LUZP1: variants seen among roughly 807,000 people sequenced by gnomAD.
LUZP1 encodes the protein filamin mechanobinding actin cross-linking protein.
In LUZP1, 25 loss-of-function variants were observed where a neutral mutation model predicts 71.3. The observed-to-expected ratio is 0.35, with a 90% CI of 0.26 to 0.49. The LOEUF is 0.49. Among genes scored for constraint, LUZP1 ranks in the 20% least tolerant of loss-of-function variants. The pLI is 0.99. For missense variants in LUZP1, 1,142 were observed against 1,300.8 expected, an observed-to-expected ratio of 0.88 and a Z score of 1.88; for synonymous variants, 481 against 506.4, an observed-to-expected ratio of 0.95 and a Z score of 0.67.
At chr1:23,119,983 C>T (rs1263522048) in intron 2 of LUZP1, among the ~76,000 whole-genome samples, 11 of 151,616 alleles carry the variant, frequency 7.3e-5, no homozygotes, top group Non-Finnish European at 1.3e-4. Flanking sequence ...GCTCTGTCAC[C>T]GAAGCTGGAG....
chr1:23,130,479 A>G (rs1036542152), intron 2 of LUZP1, among the ~76,000 whole-genome samples: 5 of 151,782 alleles, frequency 3.3e-5, no homozygotes, highest in African/African-American at 1.2e-4. Context: ...TAAAAGAGGG[A>G]AAGAGAGGCG....
rs1196218848 is a variant in LUZP1 at position 23,092,629 on chromosome 1, C to T, written c.1633G>A (p.Val545Met). 6 of 1,614,066 alleles carry T rather than the reference C, an allele frequency of 3.7e-6. No homozygotes were observed. The highest frequency in any genetic ancestry group is 1.1e-5 in the South Asian group (1 of 91,084). ...GTTACTTGACTTCCGTTGCCAAGCA[C>T]GTGTCCCCTCTTGCCAAAGACAGTC... is the stretch of plus-strand genomic sequence containing the variant. Residue 545 changes from valine (V) to methionine (M), a missense_variant, in exon 4 of 5, where the codon GTG becomes ATG. Physicochemically the swap from Val to Met is conservative, Grantham distance 21. Transcript: ENST00000302291.
chr1:23,125,805 G>GT (rs1176704157), intron 2 of LUZP1, among the ~76,000 whole-genome samples: 5 of 152,172 alleles, frequency 3.3e-5, no homozygotes, highest in African/African-American at 1.2e-4. Flanking sequence ...ATTATGAAAA[G>GT]TAACGAATCT....
At chr1:23,100,702 A>C (rs1258294062) in intron 3 of LUZP1, among the ~76,000 whole-genome samples, 2 of 152,240 alleles carry the variant, frequency 1.3e-5, no homozygotes, top group East Asian at 1.9e-4. Context: ...TTTAGGGGAA[A>C]GACAACAGGG....
At chr1:23,090,985 G>A in intron 4 of LUZP1, 1 of 721,288 alleles carries the variant, frequency 1.4e-6, no homozygotes, top group Non-Finnish European at 2.6e-6. Context: ...AATTGGAAAA[G>A]GGATTTTGGA....
At chr1:23,110,523 G>A (rs899903600) in intron 2 of LUZP1, among the ~76,000 whole-genome samples, 3 of 152,002 alleles carry the variant, frequency 2.0e-5, no homozygotes, top group Non-Finnish European at 4.4e-5. Context: ...AAGCCACCTT[G>A]TGACTGCCTT....
At chr1:23,155,961 G>A (rs1008480107) in intron 2 of LUZP1, among the ~76,000 whole-genome samples, 7 of 152,244 alleles carry the variant, frequency 4.6e-5, no homozygotes, top group Middle Eastern at 3.4e-3. Context: ...AACAGTTAAC[G>A]TTACCAGTTA....
intron 2 of LUZP1, among the ~76,000 whole-genome samples, chr1:23,146,668 C>T (rs1429587685): frequency 6.6e-6 from 1 of 152,032 alleles, no homozygotes; most frequent in Non-Finnish European, 1.5e-5. Context: ...TAGTGGTGTG[C>T]GCCTACAGTC....
intron 2 of LUZP1, among the ~76,000 whole-genome samples, chr1:23,147,802 T>C (rs1017106612): frequency 6.6e-6 from 1 of 152,194 alleles, no homozygotes; most frequent in African/African-American, 2.4e-5. Flanking sequence ...CAAGTAATCT[T>C]GAAATGGGCA....
chr1:23,137,789 T>G lies in LUZP1; in HGVS notation c.-225-28662A>C, dbSNP rs190155320. On this transcript the variant is annotated intron_variant, in intron 2 of 4. Transcript: ENST00000302291. ...GTAACATGATACACTGTGAAAAATG[T>G]CTGACAGTTTGTCAAAAAGTTAAAC... Among the ~76,000 whole-genome samples, 294 of 152,320 alleles carry G rather than the reference T, an allele frequency of 1.9e-3. 3 individuals carry two copies. The highest frequency in any genetic ancestry group is 6.5e-3 in the African/African-American group (270 of 41,578).
intron 1 of LUZP1, among the ~76,000 whole-genome samples, chr1:23,172,681 ATT>A (rs968117919): frequency 6.6e-6 from 1 of 151,332 alleles, no homozygotes; most frequent in Non-Finnish European, 1.5e-5. Context: ...CACCCGGGTA[ATT>A]TTTGTATTTT....
intron 3 of LUZP1, among the ~76,000 whole-genome samples, chr1:23,103,445 T>C (rs1643947686): frequency 6.6e-6 from 1 of 152,136 alleles, no homozygotes; most frequent in Admixed American, 6.5e-5. Flanking sequence ...ACAGAGATTC[T>C]TCATGTTGGA....
At chr1:23,085,383 T>C (rs921610100) in exon 5 of LUZP1, 2 of 152,536 alleles carry the variant, frequency 1.3e-5, no homozygotes, top group Non-Finnish European at 2.9e-5. Flanking sequence ...AGCAGGAAAA[T>C]AGGGCCCCTT....
intron 2 of LUZP1, chr1:23,162,833 A>T (rs1475378076): frequency 6.6e-6 from 1 of 152,200 alleles, no homozygotes; most frequent in African/African-American, 2.4e-5. Context: ...AAAAATAAAG[A>T]AACAAACGGT....
At chr1:23,164,376 T>A (rs1450291041) in intron 2 of LUZP1, among the ~76,000 whole-genome samples, 1 of 151,810 alleles carries the variant, frequency 6.6e-6, no homozygotes, top group Non-Finnish European at 1.5e-5. Context: ...GTGCCTGTAG[T>A]CCCAGCTACT....
chr1:23,154,583 C>G (rs12028442), intron 2 of LUZP1, among the ~76,000 whole-genome samples: 25,124 of 151,500 alleles, frequency 0.17, 2,128 homozygotes, highest in East Asian at 0.27. Flanking sequence ...TGCTCTGTCG[C>G]CCAGGCTGGA....
At chr1:23,120,538 T>G (rs1426214339) in intron 2 of LUZP1, among the ~76,000 whole-genome samples, 1 of 151,940 alleles carries the variant, frequency 6.6e-6, no homozygotes, top group Non-Finnish European at 1.5e-5. Flanking sequence ...TTTATTTTTT[T>G]GTAGAGACAG....
chr1:23,116,802 C>A (rs145735723), intron 2 of LUZP1, among the ~76,000 whole-genome samples: 86 of 152,272 alleles, frequency 5.6e-4, no homozygotes, highest in Middle Eastern at 3.4e-3. Flanking sequence ...GGTTTCGAAT[C>A]TTTTTACCTT....
Position 23,171,502 on chromosome 1 carries a change from T to TGTG in LUZP1, c.-484-2481_-484-2479dup, listed in dbSNP as rs1487825031. Among the ~76,000 whole-genome samples, 9 of 152,334 alleles carry TGTG rather than the reference T, an allele frequency of 5.9e-5. No individual in the cohort carries two copies. In the East Asian group the frequency reaches 1.7e-3, roughly 29 times the overall value. On this transcript the variant is annotated intron_variant, in intron 1 of 4. Coordinates refer to ENST00000302291, the Ensembl canonical transcript of LUZP1. ...CACCTTCTTTACAGAGACGTGGATC[T>TGTG]GTGTTAAACCGCCCTTGGCATCTCT...
Sources: allele counts gnomAD v4.1 joint callset (sites outside exome capture counted in the v4.1 genomes callset), GRCh38; gene constraint gnomAD v4.1.1; transcripts MANE v1.5; gene names NCBI Gene and HGNC (gene_info 2026-07-23, HGNC 2026-07-21).